Variants in SPAG16 observed in about 807,000 individuals in gnomAD.
SPAG16 encodes the protein sperm-associated antigen 16 protein.
In SPAG16, 86 loss-of-function variants were observed where a neutral mutation model predicts 80.4. That is an observed-to-expected ratio of 1.07 (90% confidence interval 0.90 to 1.28). SPAG16 has a LOEUF of 1.28. Among genes scored for constraint, SPAG16 ranks in the 50% most tolerant of loss-of-function variants. The pLI is 0.00. For synonymous variants in SPAG16, 294 were observed against 265.9 expected, an observed-to-expected ratio of 1.11 and a Z score of -1.03; for missense variants, 870 against 765.3, an observed-to-expected ratio of 1.14 and a Z score of -1.61.
chr2:213,553,159 C>A (rs1056854066), intron 10 of SPAG16, among the ~76,000 whole-genome samples: 1 of 152,134 alleles, frequency 6.6e-6, no homozygotes, highest in Non-Finnish European at 1.5e-5. Context: ...CCTGTCCCTC[C>A]AGAGAACCTT....
intron 10 of SPAG16, among the ~76,000 whole-genome samples, chr2:213,760,496 C>A (rs571166485): frequency 8.1e-6 from 1 of 124,110 alleles, no homozygotes; most frequent in Admixed American, 9.5e-5. Context: ...ATAAATCACT[C>A]TCAATAATGG....
intron 11 of SPAG16, among the ~76,000 whole-genome samples, chr2:213,911,992 C>T (rs1450654059): frequency 6.6e-6 from 1 of 151,990 alleles, no homozygotes; most frequent in African/African-American, 2.4e-5. Context: ...TGTTTTGAAT[C>T]CTAACTGATA....
chr2:213,702,470 C>G lies in SPAG16; in HGVS notation c.1071-160015C>G, dbSNP rs529519430. Among the ~76,000 whole-genome samples the G allele has an allele frequency of 3.3e-5, 5 of 152,322 alleles. No homozygotes were observed. The South Asian group carries it at 1.0e-3, about 32-fold the overall frequency. ...TCTGAGGCCAGTGAGACCACGAACT[C>G]ACCAAAAGGAACAAACAACTCCAGC... On this transcript the variant is annotated intron_variant, in intron 10 of 15. Coordinates refer to ENST00000331683, the MANE Select transcript of SPAG16 (RefSeq NM_024532.5).
chr2:214,033,713 TGAGA>T (rs1211318019), intron 13 of SPAG16, among the ~76,000 whole-genome samples: 2 of 152,138 alleles, frequency 1.3e-5, no homozygotes, highest in Admixed American at 6.5e-5. Context: ...TCTCTTTGTC[TGAGA>T]GAGAGAAATA....
At chr2:213,957,794 A>G (rs973725829) in intron 12 of SPAG16, among the ~76,000 whole-genome samples, 4 of 152,154 alleles carry the variant, frequency 2.6e-5, no homozygotes, top group Admixed American at 1.3e-4. Context: ...ATTACATTTA[A>G]CATCCTAAAG....
intron 8 of SPAG16, among the ~76,000 whole-genome samples, chr2:213,373,044 C>T (rs2066718754): frequency 6.6e-6 from 1 of 152,114 alleles, no homozygotes; most frequent in Non-Finnish European, 1.5e-5. Context: ...AGAAAGTATG[C>T]ATGCCTTAAA....
chr2:213,509,631 C>T (rs557792367), intron 10 of SPAG16, among the ~76,000 whole-genome samples: 1 of 152,182 alleles, frequency 6.6e-6, no homozygotes, highest in South Asian at 2.1e-4. Flanking sequence ...AGAACAAAGA[C>T]ACAACATACC....
chr2:213,796,346 C>G, intron 10 of SPAG16, among the ~76,000 whole-genome samples: 1 of 152,262 alleles, frequency 6.6e-6, no homozygotes, highest in East Asian at 1.9e-4. Context: ...AATCTACTTT[C>G]TATCTCTCTA....
In SPAG16 at chr2:214,360,851, G is replaced by A. The variant is rs138407172; in HGVS notation, c.1721-49289G>A. 7.7e-3 allele frequency among the ~76,000 whole-genome samples: 1,169 copies of A among 151,924 alleles called. 16 individuals are homozygous for A. The highest frequency in any genetic ancestry group is 0.027 in the African/African-American group (1,119 of 41,506). On this transcript the variant is annotated intron_variant, in intron 15 of 15. Transcript: ENST00000331683. Reference sequence around the variant, plus strand: ...GAGACTCAAATAAGCGTCAATGGTTGAAGCTTAAATACCCTCTTTCTGGGG... The same window carrying A: ...GAGACTCAAATAAGCGTCAATGGTTAAAGCTTAAATACCCTCTTTCTGGGG...
chr2:214,195,687 A>G (rs1017250593), intron 15 of SPAG16, among the ~76,000 whole-genome samples: 29 of 152,132 alleles, frequency 1.9e-4, no homozygotes, highest in African/African-American at 7.0e-4. Flanking sequence ...GAGATGAAGA[A>G]GACTGGGCAA....
intron 9 of SPAG16, among the ~76,000 whole-genome samples, chr2:213,451,466 T>G (rs73986851): frequency 0.074 from 11,284 of 152,188 alleles, 1,379 homozygotes; most frequent in African/African-American, 0.25. Flanking sequence ...TTCAACATAT[T>G]CATACATGAA....
At chr2:213,826,700 G>T (rs151132306) in intron 10 of SPAG16, among the ~76,000 whole-genome samples, 38 of 152,104 alleles carry the variant, frequency 2.5e-4, no homozygotes, top group African/African-American at 7.9e-4. Context: ...GCTGATGAAA[G>T]AATGTGTATT....
At chr2:213,705,865 T>A (rs950435770) in intron 10 of SPAG16, among the ~76,000 whole-genome samples, 1 of 152,126 alleles carries the variant, frequency 6.6e-6, no homozygotes, top group Non-Finnish European at 1.5e-5. Context: ...GTTTTCTTTT[T>A]AAAAATCCTA....
intron 9 of SPAG16, among the ~76,000 whole-genome samples, chr2:213,426,937 C>A (rs2069969964): frequency 6.7e-6 from 1 of 149,216 alleles, no homozygotes; most frequent in African/African-American, 2.5e-5. Flanking sequence ...GAATAAATAA[C>A]CAAAGTTTTT....
At chr2:213,819,311 A>G (rs777189062) in intron 10 of SPAG16, among the ~76,000 whole-genome samples, 2 of 152,160 alleles carry the variant, frequency 1.3e-5, no homozygotes, top group Non-Finnish European at 2.9e-5. Flanking sequence ...AACATGAAAA[A>G]CGTTTGGAAG....
intron 15 of SPAG16, among the ~76,000 whole-genome samples, chr2:214,339,482 A>G (rs999819991): frequency 2.0e-5 from 3 of 152,102 alleles, no homozygotes; most frequent in African/African-American, 7.2e-5. Context: ...TTCCATCACT[A>G]TTTCATCTCT....
chr2:213,545,214 A>G (rs1475119932), intron 10 of SPAG16, among the ~76,000 whole-genome samples: 1 of 152,122 alleles, frequency 6.6e-6, no homozygotes, highest in Non-Finnish European at 1.5e-5. Context: ...TTTTCTGATG[A>G]CATATGATGT....
At chr2:213,729,138 T>C (rs1020894932) in intron 10 of SPAG16, among the ~76,000 whole-genome samples, 2 of 152,180 alleles carry the variant, frequency 1.3e-5, no homozygotes, top group Non-Finnish European at 2.9e-5. Context: ...AGGATCTTTG[T>C]TATTTTGTTG....
chr2:214,380,256 C>G (rs1162205471), intron 15 of SPAG16, among the ~76,000 whole-genome samples: 1 of 152,138 alleles, frequency 6.6e-6, no homozygotes, highest in Non-Finnish European at 1.5e-5. Flanking sequence ...AACTAGAGGC[C>G]TTTTTACCCA....
Sources: gnomAD v4.1 joint callset for allele counts (sites outside exome capture counted in the v4.1 genomes callset) on GRCh38, gnomAD v4.1.1 for gene constraint, MANE v1.5 for transcripts, NCBI Gene and HGNC (gene_info 2026-07-23, HGNC 2026-07-21) for gene names.